Variants in CSMD3 observed in about 807,000 individuals in gnomAD.
The protein encoded by CSMD3 is CUB and sushi domain-containing protein 3.
A neutral mutation model predicts 435.2 loss-of-function variants in CSMD3; 177 were observed. That is an observed-to-expected ratio of 0.41 (90% CI 0.36 to 0.46). The LOEUF (loss-of-function observed/expected upper bound fraction) is 0.46. Ranked by LOEUF, CSMD3 falls within the 20% of genes least tolerant of loss-of-function variation. CSMD3 has a pLI of 0.34. For missense variants in CSMD3, 4,265 were observed against 4,504.6 expected (o/e 0.95, Z 1.52); for synonymous variants, 1,656 against 1,520.5 (o/e 1.09, Z -2.07).
chr8:112,340,918 T>G (rs1439306271), intron 42 of CSMD3, among the ~76,000 whole-genome samples: 1 of 152,096 alleles, frequency 6.6e-6, no homozygotes, highest in African/African-American at 2.4e-5. Flanking sequence ...TAGCTCTACT[T>G]ACGCCCAAAC....
chr8:112,553,218 CA>C (rs1262166009), intron 25 of CSMD3, among the ~76,000 whole-genome samples: 1 of 151,988 alleles, frequency 6.6e-6, no homozygotes, highest in East Asian at 1.9e-4. Flanking sequence ...TCCCAAAAGT[CA>C]AAATGGCATT....
intron 27 of CSMD3, among the ~76,000 whole-genome samples, chr8:112,524,231 T>C (rs890227972): frequency 6.6e-6 from 1 of 151,530 alleles, no homozygotes; most frequent in Non-Finnish European, 1.5e-5. Flanking sequence ...TTGAAGACTA[T>C]CAAAAGGATC....
At position 112,304,843 on chromosome 8, in the gene CSMD3, T is replaced by A. The variant is rs2130778754; in HGVS notation, c.8144A>T (p.Tyr2715Phe). 6.2e-7 allele frequency: 1 copy of A among 1,613,970 alleles called. No homozygotes were observed. Among genetic ancestry groups the A allele is most frequent in the South Asian group, 1.1e-5 (1 of 91,086 alleles). Reference protein sequence around the residue: ...GRWRIVNGSHYEYKTKVVFSC... With the variant: ...GRWRIVNGSHFEYKTKVVFSC... ...GAAAACTACTTTGGTTTTGTATTCA[T>A]AATGGGAGCCATTCACAATTCGCCA... Residue 2715 changes from tyrosine to phenylalanine, a missense_variant, in exon 52 of 71, where the codon TAT (tyrosine) becomes TTT (phenylalanine). By Grantham distance (22) the Tyr-to-Phe change is conservative. Coordinates refer to ENST00000297405, the MANE Select transcript of CSMD3 (RefSeq NM_198123.2).
chr8:112,562,526 G>GGAAA (rs1327240128), intron 24 of CSMD3, among the ~76,000 whole-genome samples: 1 of 151,076 alleles, frequency 6.6e-6, no homozygotes, highest in Non-Finnish European at 1.5e-5. Context: ...TTGTTAAAAA[G>GGAAA]GAAATTGGGA....
In CSMD3 at chr8:112,266,121, C is replaced by T. The variant is rs112149489; in HGVS notation, c.9509-531G>A. Reference sequence around the variant, plus strand: ...TATGAGGGGCCATCCCATCCAAGTCCTTGACCAATACATGATGATGTTTCC... The same window carrying T: ...TATGAGGGGCCATCCCATCCAAGTCTTTGACCAATACATGATGATGTTTCC... On this transcript the variant is annotated intron_variant, in intron 59 of 70. Coordinates refer to ENST00000297405, the MANE Select transcript of CSMD3 (RefSeq NM_198123.2). Among the ~76,000 whole-genome samples the T allele has an allele frequency of 3.2e-3, 485 of 152,198 alleles. 3 individuals are homozygous for T. Among genetic ancestry groups the T allele is most frequent in the Non-Finnish European group, 3.0e-3 (201 of 68,012 alleles).
chr8:112,570,329 T>C (rs1409924940), intron 24 of CSMD3, among the ~76,000 whole-genome samples: 13 of 152,176 alleles, frequency 8.5e-5, no homozygotes, highest in Admixed American at 8.5e-4. Context: ...TGAAGAACGA[T>C]GCACATATGT....
At chr8:113,241,845 A>C (rs981922737) in intron 3 of CSMD3, among the ~76,000 whole-genome samples, 2 of 151,838 alleles carry the variant, frequency 1.3e-5, no homozygotes, top group African/African-American at 4.8e-5. Flanking sequence ...AAAAACATCC[A>C]TACTGACACC....
At chr8:112,618,392 C>T (rs752135268) in intron 22 of CSMD3, among the ~76,000 whole-genome samples, 1 of 137,954 alleles carries the variant, frequency 7.2e-6, no homozygotes, top group Non-Finnish European at 1.7e-5. Context: ...AAGGACTGTA[C>T]TGTTCCTTTG....
intron 16 of CSMD3, among the ~76,000 whole-genome samples, chr8:112,674,000 G>C (rs1027404900): frequency 1.3e-5 from 2 of 151,836 alleles, no homozygotes; most frequent in African/African-American, 2.4e-5. Context: ...TCTCCTCAAA[G>C]AGCATGTTAA....
rs1038250136 is a variant in CSMD3, at chr8:112,435,487, G to A, written c.5396-26455C>T. Among the ~76,000 whole-genome samples, 4 of 152,010 alleles carry A rather than the reference G, an allele frequency of 2.6e-5. No homozygotes were observed. The South Asian group carries it at 8.3e-4, about 31-fold the overall frequency. On this transcript the variant is annotated intron_variant, in intron 32 of 70. Coordinates refer to ENST00000297405, the MANE Select transcript of CSMD3 (RefSeq NM_198123.2). ...ACCATTATATCACACTGTATATGAT[G>A]TATGCCAAAACTGAAAATACTGGCT...
chr8:112,591,342 T>C (rs1831175732), intron 22 of CSMD3, among the ~76,000 whole-genome samples: 1 of 152,084 alleles, frequency 6.6e-6, no homozygotes, highest in African/African-American at 2.4e-5. Context: ...TAAGAGTCAC[T>C]GATACAGTGA....
intron 1 of CSMD3, among the ~76,000 whole-genome samples, chr8:113,397,147 AC>A (rs2133183496): frequency 6.6e-6 from 1 of 152,294 alleles, no homozygotes; most frequent in African/African-American, 2.4e-5. Context: ...GTATGATAAC[AC>A]ACTATGCCTT....
chr8:112,289,177 G>A (rs966645040), intron 57 of CSMD3, among the ~76,000 whole-genome samples, 188 bp downstream of exon 57: 9 of 152,064 alleles, frequency 5.9e-5, no homozygotes, highest in African/African-American at 1.9e-4. Context: ...TACAACATCA[G>A]TACCCTGCAT....
At chr8:112,664,951 T>C (rs1789899855) in intron 17 of CSMD3, among the ~76,000 whole-genome samples, 1 of 152,158 alleles carries the variant, frequency 6.6e-6, no homozygotes. Flanking sequence ...AAAACTAATA[T>C]AGCCCTAGTA....
chr8:113,194,299 T>C (rs140360998), intron 3 of CSMD3, among the ~76,000 whole-genome samples: 1 of 151,384 alleles, frequency 6.6e-6, no homozygotes, highest in African/African-American at 2.4e-5. Flanking sequence ...AGTAATACCA[T>C]GTATTTCTGA....
At chr8:113,188,438 C>A (rs2092539644) in intron 3 of CSMD3, among the ~76,000 whole-genome samples, 1 of 151,872 alleles carries the variant, frequency 6.6e-6, no homozygotes, top group Non-Finnish European at 1.5e-5. Context: ...AAACTCAATC[C>A]CCTTGGGGGA....
chr8:112,311,128 A>C lies in CSMD3; in HGVS notation c.7735T>G (p.Tyr2579Asp), dbSNP rs2130814953. Residue 2579 changes from tyrosine (Y) to aspartate (D), a missense_variant, in exon 50 of 71, where the codon TAT becomes GAT. By Grantham distance (160) the Tyr-to-Asp change is radical. Coordinates refer to ENST00000297405, the MANE Select transcript of CSMD3 (RefSeq NM_198123.2). Reference sequence around the variant, plus strand: ...TGCCCACCTGTCTGACTGATAATATATCCATGAGGTGGGGATTCTGGTGTA... The same window carrying C: ...TGCCCACCTGTCTGACTGATAATATCTCCATGAGGTGGGGATTCTGGTGTA... ...CSTPESPPHGYIISQTGGQLN... is the reference protein window; with the variant it reads ...CSTPESPPHGDIISQTGGQLN... 2 of 1,614,036 alleles carry C rather than the reference A, an allele frequency of 1.2e-6. No individual in the cohort carries two copies. The highest frequency in any genetic ancestry group is 1.7e-6 in the Non-Finnish European group (2 of 1,179,952).
chr8:113,098,793 AATC>A lies in CSMD3; in HGVS notation c.877_879del (p.Asp293del), dbSNP rs2090242712. 6.2e-7 allele frequency: 1 copy of A among 1,612,420 alleles called. No homozygotes were observed. Among genetic ancestry groups the A allele is most frequent in the Non-Finnish European group, 8.5e-7 (1 of 1,178,752 alleles). ...GGCTCAGAACCTTCTATTTCTAAGT[AATC>A]ATATTTCTCTTCCATTTGAAAATCA... On this transcript the variant is annotated inframe_deletion, in exon 5 of 71. Transcript: ENST00000297405.
intron 1 of CSMD3, among the ~76,000 whole-genome samples, chr8:113,413,061 A>G (rs1321111624): frequency 2.0e-5 from 3 of 152,156 alleles, no homozygotes; most frequent in Non-Finnish European, 4.4e-5. Flanking sequence ...TATTTATTCA[A>G]TTGGTATCTA....
Sources: allele counts gnomAD v4.1 joint callset (sites outside exome capture counted in the v4.1 genomes callset), GRCh38; gene constraint gnomAD v4.1.1; transcripts MANE v1.5; gene names NCBI Gene and HGNC (gene_info 2026-07-23, HGNC 2026-07-21).